ABCC8: variants seen among roughly 807,000 people sequenced by gnomAD.
The protein encoded by ABCC8 is ATP binding cassette subfamily C member 8.
Under a neutral mutation model 188.0 loss-of-function variants are expected in ABCC8, and 137 were observed. The observed-to-expected ratio is 0.73, with a 90% CI of 0.63 to 0.84. The LOEUF (loss-of-function observed/expected upper bound fraction) is 0.84. ABCC8 is among the 40% of genes least tolerant of loss of function. The pLI is 0.00. For synonymous variants in ABCC8, 797 were observed against 846.5 expected (o/e 0.94, Z 1.01); for missense variants, 1,750 against 2,072.7 (o/e 0.84, Z 3.02).
chr11:17,470,782 G>A (rs1044901679), intron 2 of ABCC8, among the ~76,000 whole-genome samples: 9 of 152,228 alleles, frequency 5.9e-5, no homozygotes, highest in African/African-American at 2.2e-4. Context: ...TCGGGATGGG[G>A]AATGGAGCAG....
intron 20 of ABCC8, among the ~76,000 whole-genome samples, 187 bp downstream of exon 20, chr11:17,413,207 C>T (rs1397925065): frequency 2.6e-5 from 4 of 152,214 alleles, no homozygotes; most frequent in East Asian, 1.9e-4. Context: ...TGACCTTGCC[C>T]TCCAAGCAGG....
At position 17,408,396 on chromosome 11, in the gene ABCC8, T is replaced by C; in HGVS notation, c.2816A>G (p.Glu939Gly). The C allele has an allele frequency of 6.2e-7, 1 of 1,613,324 alleles. No individual in the cohort carries two copies. Among genetic ancestry groups the C allele is most frequent in the Non-Finnish European group, 8.5e-7 (1 of 1,179,964 alleles). The change falls in exon 23 of 39, where the codon GAG (glutamate) becomes GGG (glycine). Residue 939 changes from glutamate (E) to glycine (G), a missense_variant. Coordinates refer to ENST00000389817, the MANE Select transcript of ABCC8 (RefSeq NM_000352.6). ...GCCATCCCTGGATATACCCACCTTC[T>C]CCAGCTCTTGGTCCTGTCGGTTCAT... ...TLMNRQDQEL[E>G]KETVTERKAT...
At chr11:17,412,998 C>G (rs1954890162) in intron 20 of ABCC8, 1 of 720,302 alleles carries the variant, frequency 1.4e-6, no homozygotes, top group South Asian at 1.9e-5. Context: ...CAAACAAAGA[C>G]AGAGGCAGCA....
chr11:17,400,608 C>T (rs1368118933), intron 29 of ABCC8, among the ~76,000 whole-genome samples: 4 of 152,152 alleles, frequency 2.6e-5, no homozygotes, highest in South Asian at 4.1e-4. Flanking sequence ...CCTCCGAGCC[C>T]GCCACTGAGC....
chr11:17,453,805 C>T (rs563305950), intron 6 of ABCC8, among the ~76,000 whole-genome samples: 9 of 152,272 alleles, frequency 5.9e-5, no homozygotes, highest in African/African-American at 2.2e-4. Flanking sequence ...TCATCACTTA[C>T]AAGAGACTGA....
Position 17,428,892 on chromosome 11 carries a change from T to C in ABCC8, c.1818-222A>G, listed in dbSNP as rs555243458. On this transcript the variant is annotated intron_variant, in intron 12 of 38. Coordinates refer to ENST00000389817, the MANE Select transcript of ABCC8 (RefSeq NM_000352.6). ...CAGCTGGAATAGGCTGGGGTCTGGA[T>C]TGGAGGTGAGATTGGTTAGTTTTAG... The C allele has an allele frequency of 9.4e-5, 70 of 744,058 alleles. No homozygotes were observed. The African/African-American group carries it at 1.0e-3, about 11-fold the overall frequency. 46.1% of individuals were successfully genotyped at this position (744,058 alleles called of 1,614,324 possible).
chr11:17,454,963 G>A (rs559458131), intron 6 of ABCC8, among the ~76,000 whole-genome samples: 6 of 152,222 alleles, frequency 3.9e-5, no homozygotes, highest in East Asian at 3.9e-4. Context: ...AGGAAGACCC[G>A]GTCCTTTTTA....
chr11:17,412,818 T>TGCTC (rs1250019809), intron 20 of ABCC8, 72 bp from the exon 21 acceptor site: 5 of 1,555,808 alleles, frequency 3.2e-6, no homozygotes, highest in Non-Finnish European at 4.3e-6. Context: ...CCTACTGGAC[T>TGCTC]ATGAGCTCTT....
intron 1 of ABCC8, among the ~76,000 whole-genome samples, chr11:17,476,331 T>C (rs879888778): frequency 6.6e-6 from 1 of 152,192 alleles, no homozygotes; most frequent in Non-Finnish European, 1.5e-5. Flanking sequence ...TGCTGAGACC[T>C]CCTCTTTCCC....
chr11:17,419,224 T>C (rs922262909), intron 16 of ABCC8, among the ~76,000 whole-genome samples: 1 of 152,076 alleles, frequency 6.6e-6, no homozygotes, highest in African/African-American at 2.4e-5. Flanking sequence ...TTTACAAGAG[T>C]GCTGAGGGGA....
chr11:17,474,718 G>C (rs951976061), intron 2 of ABCC8, among the ~76,000 whole-genome samples, 168 bp downstream of exon 2: 1 of 152,134 alleles, frequency 6.6e-6, no homozygotes, highest in Non-Finnish European at 1.5e-5. Flanking sequence ...ACTCACTTGC[G>C]TCCAGTGCCC....
intron 10 of ABCC8, among the ~76,000 whole-genome samples, chr11:17,433,888 G>A (rs1433028468): frequency 6.6e-6 from 1 of 152,146 alleles, no homozygotes; most frequent in African/African-American, 2.4e-5. Flanking sequence ...CCTCATGAAG[G>A]CTAGATGGTT....
Position 17,428,247 on chromosome 11 carries a change from G to A in ABCC8, c.2040+42C>T, listed in dbSNP as rs774357719. 10 of 1,613,322 alleles carry A rather than the reference G, an allele frequency of 6.2e-6. No homozygotes were observed. The African/African-American group carries it at 1.3e-4, about 22-fold the overall frequency. ...TTTCCAGGTGCTGAGCTCCCTCTGG[G>A]AGTTGGTGCTGGGTGGCCAGGCATG... is the stretch of plus-strand genomic sequence containing the variant. On this transcript the variant is annotated intron_variant, in intron 14 of 38. Transcript: ENST00000389817.
At chr11:17,417,653 G>GA (rs1040383266) in intron 16 of ABCC8, among the ~76,000 whole-genome samples, 6 of 152,032 alleles carry the variant, frequency 3.9e-5, no homozygotes, top group African/African-American at 1.2e-4. Flanking sequence ...ACATTTGGGG[G>GA]AAAAAATCTG....
At chr11:17,415,989 C>T (rs1475475972) in intron 17 of ABCC8, among the ~76,000 whole-genome samples, 1 of 152,232 alleles carries the variant, frequency 6.6e-6, no homozygotes, top group African/African-American at 2.4e-5. Flanking sequence ...TTCTCATCCA[C>T]ATATGCAAAC....
At chr11:17,401,984 C>T (rs1041699408) in intron 29 of ABCC8, among the ~76,000 whole-genome samples, 26 of 152,210 alleles carry the variant, frequency 1.7e-4, no homozygotes, top group African/African-American at 5.8e-4. Flanking sequence ...CCCTTGAATC[C>T]GCTTTTTTCA....
intron 27 of ABCC8, 102 bp downstream of exon 27, chr11:17,405,392 C>A: frequency 6.4e-7 from 1 of 1,551,474 alleles, no homozygotes; most frequent in Non-Finnish European, 8.9e-7. Context: ...TCCCAGAGGG[C>A]TGTGATCACC....
intron 6 of ABCC8, among the ~76,000 whole-genome samples, chr11:17,455,937 C>CAA (rs796687753): frequency 2.7e-4 from 17 of 62,722 alleles, no homozygotes; most frequent in Non-Finnish European, 4.5e-4. Flanking sequence ...AGGCTCCATC[C>CAA]AAAAAAAAAA....
chr11:17,475,861 G>A (rs999395773), intron 1 of ABCC8, among the ~76,000 whole-genome samples: 1 of 152,214 alleles, frequency 6.6e-6, no homozygotes, highest in Non-Finnish European at 1.5e-5. Flanking sequence ...AGACTTGACT[G>A]GTCTGGAAGA....
Sources: allele counts gnomAD v4.1 joint callset (sites outside exome capture counted in the v4.1 genomes callset), GRCh38; gene constraint gnomAD v4.1.1; transcripts MANE v1.5; gene names NCBI Gene and HGNC (gene_info 2026-07-23, HGNC 2026-07-21).